The following NKAIN2 variants were observed in gnomAD, a reference collection of about 807,000 sequenced individuals.
NKAIN2 encodes the protein sodium/potassium transporting ATPase interacting 2.
In NKAIN2, 14 loss-of-function variants were observed where a neutral mutation model predicts 32.6. That is an observed-to-expected ratio of 0.43 (90% CI 0.28 to 0.67). NKAIN2 has a LOEUF of 0.67. NKAIN2 is among the 30% of genes least tolerant of loss of function. The probability of loss-of-function intolerance (pLI) is 0.17; values close to 1 mark genes in which losing one functional copy is unlikely to be tolerated. For missense variants in NKAIN2, 198 were observed against 258.3 expected (o/e 0.77, Z 1.60); for synonymous variants, 80 against 87.2 (o/e 0.92, Z 0.46).
At chr6:124,278,884 G>A (rs1795163799) in intron 1 of NKAIN2, among the ~76,000 whole-genome samples, 1 of 151,594 alleles carries the variant, frequency 6.6e-6, no homozygotes, top group South Asian at 2.1e-4. Context: ...CCAAAAACTG[G>A]AAATGAATTA....
intron 5 of NKAIN2, among the ~76,000 whole-genome samples, chr6:124,813,434 C>G (rs1484170700): frequency 6.6e-6 from 1 of 152,000 alleles, no homozygotes; most frequent in Non-Finnish European, 1.5e-5. Context: ...ATAAGGAACT[C>G]AAAGCAAGAA....
intron 1 of NKAIN2, among the ~76,000 whole-genome samples, chr6:124,018,772 G>A (rs772370543): frequency 2.0e-5 from 3 of 151,986 alleles, no homozygotes; most frequent in African/African-American, 7.2e-5. Context: ...ATATTATTTT[G>A]TCTTCTTCTG....
intron 3 of NKAIN2, among the ~76,000 whole-genome samples, chr6:124,636,893 C>G (rs1167918604): frequency 1.3e-5 from 2 of 151,946 alleles, no homozygotes; most frequent in Non-Finnish European, 2.9e-5. Context: ...TTATACAAGG[C>G]CAGCATTACC....
At chr6:124,138,660 T>C (rs537444922) in intron 1 of NKAIN2, among the ~76,000 whole-genome samples, 6 of 74,172 alleles carry the variant, frequency 8.1e-5, no homozygotes, top group African/African-American at 1.4e-4. Flanking sequence ...ATAATTATGT[T>C]ATATTATTAA....
chr6:124,494,191 T>C (rs945375296), intron 3 of NKAIN2, among the ~76,000 whole-genome samples: 17 of 152,058 alleles, frequency 1.1e-4, no homozygotes, highest in Non-Finnish European at 2.5e-4. Flanking sequence ...CTAATCTTCT[T>C]GAGAAAGGGA....
chr6:124,527,749 G>T (rs965297150), intron 3 of NKAIN2, among the ~76,000 whole-genome samples: 5 of 152,090 alleles, frequency 3.3e-5, no homozygotes, highest in Non-Finnish European at 7.4e-5. Context: ...CAAATCTCCT[G>T]GTCTGAGTCA....
intron 1 of NKAIN2, among the ~76,000 whole-genome samples, chr6:124,165,597 T>C (rs1383152765): frequency 6.6e-6 from 1 of 151,630 alleles, no homozygotes; most frequent in East Asian, 1.9e-4. Flanking sequence ...ACATGTGCCA[T>C]GCTGGTGTGC....
intron 1 of NKAIN2, among the ~76,000 whole-genome samples, chr6:124,035,523 A>G (rs1296115087): frequency 9.9e-5 from 15 of 152,036 alleles, no homozygotes; most frequent in Admixed American, 9.9e-4. Context: ...CTTTCTTCAG[A>G]TAAACTTATT....
At chr6:124,734,723 G>A (rs1776854911) in intron 4 of NKAIN2, among the ~76,000 whole-genome samples, 1 of 151,782 alleles carries the variant, frequency 6.6e-6, no homozygotes, top group South Asian at 2.1e-4. Flanking sequence ...CTAGTTCAAG[G>A]CACAGAGTAA....
intron 2 of NKAIN2, among the ~76,000 whole-genome samples, chr6:124,345,670 C>T (rs1349792452): frequency 3.3e-5 from 5 of 151,638 alleles, no homozygotes; most frequent in African/African-American, 4.9e-5. Context: ...TCTGTGGGAT[C>T]GGTGATGATA....
intron 1 of NKAIN2, among the ~76,000 whole-genome samples, chr6:124,169,452 A>G (rs1162631749): frequency 6.6e-6 from 1 of 152,200 alleles, no homozygotes; most frequent in African/African-American, 2.4e-5. Context: ...TGGCTGATCT[A>G]GAATTGCTAC....
intron 3 of NKAIN2, among the ~76,000 whole-genome samples, chr6:124,653,419 G>A (rs1784433384): frequency 1.4e-5 from 2 of 140,222 alleles, no homozygotes; most frequent in Admixed American, 7.5e-5. Flanking sequence ...AATAAATGGT[G>A]CTGGAATAAT....
intron 1 of NKAIN2, among the ~76,000 whole-genome samples, chr6:123,868,120 G>A (rs377438412): frequency 5.3e-4 from 80 of 152,164 alleles, no homozygotes; most frequent in African/African-American, 1.9e-3. Flanking sequence ...TGCCCACCTT[G>A]GCCTCCCAAA....
chr6:124,596,437 C>T (rs544226148), intron 3 of NKAIN2, among the ~76,000 whole-genome samples: 2 of 152,218 alleles, frequency 1.3e-5, no homozygotes, highest in African/African-American at 2.4e-5. Flanking sequence ...CAGAAGGGAC[C>T]GCCTGTGCTT....
intron 2 of NKAIN2, among the ~76,000 whole-genome samples, chr6:124,339,740 A>G (rs1263616569): frequency 6.6e-6 from 1 of 152,136 alleles, no homozygotes; most frequent in Non-Finnish European, 1.5e-5. Flanking sequence ...ATTTTTTGCT[A>G]TAATAGTAAC....
chr6:124,307,423 A>T lies in NKAIN2; in HGVS notation c.192+24281A>T, dbSNP rs150232662. ...CTATCTTAAGAAACCTCTGGGGAGG[A>T]GTGGTAGGTAGGTGAATGGGATTGG... On this transcript the variant is annotated intron_variant, in intron 2 of 6. Transcript: ENST00000368417. 6.8e-3 allele frequency among the ~76,000 whole-genome samples: 1,037 copies of T among 152,112 alleles called. 13 individuals carry two copies. Among genetic ancestry groups the T allele is most frequent in the African/African-American group, 0.024 (1,010 of 41,520 alleles).
chr6:123,871,935 T>A (rs62436077), intron 1 of NKAIN2, among the ~76,000 whole-genome samples: 2,380 of 152,296 alleles, frequency 0.016, 34 homozygotes, highest in Non-Finnish European at 0.022. Context: ...ATGCATCATC[T>A]ATAATTTGTG....
At chr6:124,480,815 T>A (rs1777415023) in intron 3 of NKAIN2, among the ~76,000 whole-genome samples, 1 of 152,120 alleles carries the variant, frequency 6.6e-6, no homozygotes, top group African/African-American at 2.4e-5. Context: ...TTTGAAATTA[T>A]TATCTGTAAC....
chr6:124,301,332 G>A (rs1796284031), intron 2 of NKAIN2, among the ~76,000 whole-genome samples: 3 of 152,208 alleles, frequency 2.0e-5, no homozygotes, highest in Admixed American at 2.0e-4. Context: ...GGAAATGCCT[G>A]GATGTCCAGG....
Sources: allele counts gnomAD v4.1 joint callset (sites outside exome capture counted in the v4.1 genomes callset), GRCh38; gene constraint gnomAD v4.1.1; transcripts MANE v1.5; gene names NCBI Gene and HGNC (gene_info 2026-07-23, HGNC 2026-07-21).